The following CNTN4 variants were observed in gnomAD, a reference collection of about 807,000 sequenced individuals.
The protein encoded by CNTN4 is contactin 4.
Under a neutral mutation model 122.5 loss-of-function variants are expected in CNTN4, and 77 were observed. The ratio of observed to expected loss-of-function variants is 0.63; its 90% CI spans 0.52 to 0.76. The LOEUF is 0.76. Among genes scored for constraint, CNTN4 ranks in the 30% least tolerant of loss-of-function variants. The probability of loss-of-function intolerance (pLI) is 0.00; values close to 1 mark genes in which losing one functional copy is unlikely to be tolerated. For synonymous variants in CNTN4, 512 were observed against 447.0 expected (o/e 1.15, Z -1.83); for missense variants, 1,256 against 1,259.1 (o/e 1.00, Z 0.04).
At position 2,184,336 on chromosome 3, in the gene CNTN4, C is replaced by A. The variant is rs563890335; in HGVS notation, c.-145+83697C>A. ...CCTTCCAGGAAGGGATGAAGGAGGACTTTTAGAACACTAGAAATGACAGCC... is the reference window on the plus strand; with the variant it reads ...CCTTCCAGGAAGGGATGAAGGAGGAATTTTAGAACACTAGAAATGACAGCC... On this transcript the variant is annotated intron_variant, in intron 2 of 24. Transcript: ENST00000418658. Among the ~76,000 whole-genome samples, 15 of 152,120 alleles carry A rather than the reference C, an allele frequency of 9.9e-5. No homozygotes were observed. The South Asian group carries it at 2.9e-3, about 30-fold the overall frequency.
Position 2,885,206 on chromosome 3 carries a change from A to G in CNTN4, c.756-1834A>G, listed in dbSNP as rs2150999569. ...GAAAAATAAATAAGTAAATAATTGTATCCCCTGCCAGGCAGCCACAATCTT... is the reference window on the plus strand; with the variant it reads ...GAAAAATAAATAAGTAAATAATTGTGTCCCCTGCCAGGCAGCCACAATCTT... On this transcript the variant is annotated intron_variant, in intron 9 of 24. Transcript: ENST00000418658. Among the ~76,000 whole-genome samples, 5 of 152,350 alleles carry G rather than the reference A, an allele frequency of 3.3e-5. No individual in the cohort carries two copies. The South Asian group carries it at 1.0e-3, about 32-fold the overall frequency.
At chr3:2,957,254 G>A (rs113562592) in intron 13 of CNTN4, among the ~76,000 whole-genome samples, 2,778 of 152,082 alleles carry the variant, frequency 0.018, 103 homozygotes, top group African/African-American at 0.063. Context: ...ATTCCTATCA[G>A]CAGTGTACAA....
intron 6 of CNTN4, among the ~76,000 whole-genome samples, chr3:2,811,548 C>T (rs1292174284): frequency 6.6e-6 from 1 of 151,582 alleles, no homozygotes; most frequent in Non-Finnish European, 1.5e-5. Context: ...GCAAGCTCCA[C>T]CTCCTGGGTT....
rs558406175 is a variant in CNTN4 at position 2,779,695 on chromosome 3, A to T, written c.358+33998A>T. Among the ~76,000 whole-genome samples, 20 of 152,332 alleles carry T rather than the reference A, an allele frequency of 1.3e-4. No individual in the cohort carries two copies. The South Asian group carries it at 3.9e-3, about 30-fold the overall frequency. Reference sequence around the variant, plus strand: ...CCCTTCTGAATATTAAAATGAAGATATTAATACATACCTTGTGACATCACA... The same window carrying T: ...CCCTTCTGAATATTAAAATGAAGATTTTAATACATACCTTGTGACATCACA... On this transcript the variant is annotated intron_variant, in intron 6 of 24. Coordinates refer to ENST00000418658, the MANE Select transcript of CNTN4 (RefSeq NM_175607.3).
chr3:2,801,122 G>A (rs551321327), intron 6 of CNTN4, among the ~76,000 whole-genome samples: 3 of 143,772 alleles, frequency 2.1e-5, no homozygotes, highest in Non-Finnish European at 4.8e-5. Context: ...AAGGGCAGGA[G>A]TATTTGTCTG....
chr3:3,003,470 C>G lies in CNTN4; in HGVS notation c.1486+14998C>G, dbSNP rs11926627. Among the ~76,000 whole-genome samples, 993 of 151,878 alleles carry G rather than the reference C, an allele frequency of 6.5e-3. 12 individuals are homozygous for G. The highest frequency in any genetic ancestry group is 0.022 in the African/African-American group (912 of 41,432). On this transcript the variant is annotated intron_variant, in intron 14 of 24. Coordinates refer to ENST00000418658, the MANE Select transcript of CNTN4 (RefSeq NM_175607.3). Reference sequence around the variant, plus strand: ...GTGGATGAACCTTGAAAATATGATGCTAAGTGAAAGAAGCCAGACACAAAA... The same window carrying G: ...GTGGATGAACCTTGAAAATATGATGGTAAGTGAAAGAAGCCAGACACAAAA...
At chr3:2,801,947 T>C (rs928736707) in intron 6 of CNTN4, among the ~76,000 whole-genome samples, 5 of 152,330 alleles carry the variant, frequency 3.3e-5, no homozygotes, top group African/African-American at 1.2e-4. Context: ...AGTAAAAATG[T>C]TGGAGTTTTC....
intron 6 of CNTN4, among the ~76,000 whole-genome samples, chr3:2,781,777 G>T (rs4283562): frequency 0.24 from 30,306 of 123,956 alleles, 4,582 homozygotes; most frequent in South Asian, 0.34. Context: ...CAGGCTGGAG[G>T]GCAGTAGCGC....
In CNTN4 at chr3:2,113,933, T is replaced by C. The variant is rs2033153100; in HGVS notation, c.-145+13294T>C. On this transcript the variant is annotated intron_variant, in intron 2 of 24. Transcript: ENST00000418658. The stretch of plus-strand genomic sequence containing the variant: ...ATCAATGTGATTGGTCAGTCTTTGC[T>C]GAGGTCCTGCATAGCCAGTTTTAAA... 2.0e-5 allele frequency among the ~76,000 whole-genome samples: 3 copies of C among 152,208 alleles called. No homozygotes were observed. The South Asian group carries it at 6.2e-4, about 32-fold the overall frequency.
intron 2 of CNTN4, among the ~76,000 whole-genome samples, chr3:2,224,653 G>C (rs563985138): frequency 1.6e-4 from 25 of 152,180 alleles, no homozygotes; most frequent in Non-Finnish European, 2.8e-4. Flanking sequence ...TGGTTGTTGA[G>C]AAGATTAAAT....
At chr3:2,735,115 C>T (rs116039399) in intron 4 of CNTN4, among the ~76,000 whole-genome samples, 4,754 of 152,104 alleles carry the variant, frequency 0.031, 88 homozygotes, top group Non-Finnish European at 0.045. Context: ...ATAATCCAAA[C>T]AAGGGAAAAT....
intron 6 of CNTN4, among the ~76,000 whole-genome samples, chr3:2,785,136 C>CAT (rs1308426959): frequency 1.7e-3 from 203 of 122,000 alleles, no homozygotes; most frequent in African/African-American, 5.5e-3. Context: ...CACACACACA[C>CAT]ACATATATAT....
chr3:2,394,509 A>C (rs1311463613), intron 3 of CNTN4, among the ~76,000 whole-genome samples: 1 of 152,202 alleles, frequency 6.6e-6, no homozygotes, highest in Non-Finnish European at 1.5e-5. Context: ...ATGAAGATTG[A>C]AACCATATGG....
chr3:2,978,570 A>C (rs1355485007), intron 13 of CNTN4, among the ~76,000 whole-genome samples: 1 of 152,222 alleles, frequency 6.6e-6, no homozygotes, highest in Non-Finnish European at 1.5e-5. Context: ...TTTTATATGA[A>C]ATCATACAAT....
At chr3:2,368,029 CTTTTTTTTT>C (rs549023861) in intron 3 of CNTN4, among the ~76,000 whole-genome samples, 11 of 109,814 alleles carry the variant, frequency 1.0e-4, no homozygotes, top group African/African-American at 3.8e-4. Context: ...TAGAAAACTT[CTTTTTTTTT>C]TTTTTTTTTT....
rs779430316 is a variant in CNTN4 at position 3,043,179 on chromosome 3, C to T, written c.2698+16C>T. 6.2e-7 allele frequency: 1 copy of T among 1,613,556 alleles called. No homozygotes were observed. Among genetic ancestry groups the T allele is most frequent in the Non-Finnish European group, 8.5e-7 (1 of 1,179,634 alleles). On this transcript the variant is annotated intron_variant, in intron 22 of 24. Coordinates refer to ENST00000418658, the MANE Select transcript of CNTN4 (RefSeq NM_175607.3). ...CGAAAGCCACGTAAGAACAGACTTGCTCAGAAATATTTTGGGGATTCATCA... is the reference window on the plus strand; with the variant it reads ...CGAAAGCCACGTAAGAACAGACTTGTTCAGAAATATTTTGGGGATTCATCA...
At chr3:3,011,844 G>T (rs1697267737) in intron 14 of CNTN4, among the ~76,000 whole-genome samples, 1 of 151,974 alleles carries the variant, frequency 6.6e-6, no homozygotes, top group South Asian at 2.1e-4. Context: ...GAAGCTTCCT[G>T]CACTTAAAAC....
intron 23 of CNTN4, among the ~76,000 whole-genome samples, chr3:3,050,852 G>A (rs1439684291): frequency 2.6e-5 from 4 of 151,446 alleles, no homozygotes; most frequent in Non-Finnish European, 5.9e-5. Flanking sequence ...ATGAGACCGG[G>A]CAATTGCTTC....
At chr3:2,990,945 C>T (rs1035305555) in intron 14 of CNTN4, among the ~76,000 whole-genome samples, 1 of 151,992 alleles carries the variant, frequency 6.6e-6, no homozygotes, top group Non-Finnish European at 1.5e-5. Flanking sequence ...TTTCCACTAA[C>T]GGCAATAATA....
Sources: gnomAD v4.1 joint callset for allele counts (sites outside exome capture counted in the v4.1 genomes callset) on GRCh38, gnomAD v4.1.1 for gene constraint, MANE v1.5 for transcripts, NCBI Gene and HGNC (gene_info 2026-07-23, HGNC 2026-07-21) for gene names.